PLB1: variants seen among roughly 807,000 people sequenced by gnomAD.
The protein encoded by PLB1 is phospholipase B1, membrane-associated.
Under a neutral mutation model 227.4 loss-of-function variants are expected in PLB1, and 242 were observed. The ratio of observed to expected loss-of-function variants is 1.06; its 90% CI spans 0.96 to 1.18. The LOEUF is 1.18. Among genes scored for constraint, PLB1 ranks in the 50% most tolerant of loss-of-function variants. The probability of loss-of-function intolerance (pLI) is 0.00; values close to 1 mark genes in which losing one functional copy is unlikely to be tolerated. For missense variants in PLB1, 1,858 were observed against 1,816.3 expected, an observed-to-expected ratio of 1.02 and a Z score of -0.42; for synonymous variants, 757 against 682.2, an observed-to-expected ratio of 1.11 and a Z score of -1.71.
At chr2:28,499,115 G>C (rs980761286) in intron 1 of PLB1, among the ~76,000 whole-genome samples, 1 of 151,834 alleles carries the variant, frequency 6.6e-6, no homozygotes, top group South Asian at 2.1e-4. Context: ...TGAAATGTTT[G>C]TTATTGATAT....
intron 20 of PLB1, among the ~76,000 whole-genome samples, chr2:28,569,360 T>C (rs938907428): frequency 1.1e-4 from 16 of 152,294 alleles, no homozygotes; most frequent in African/African-American, 2.6e-4. Flanking sequence ...GGGGTATATA[T>C]AGACCCTGCT....
intron 54 of PLB1, 126 bp from the exon 55 acceptor site, chr2:28,631,910 C>A: frequency 1.4e-6 from 1 of 723,006 alleles, no homozygotes; most frequent in Non-Finnish European, 2.5e-6. Flanking sequence ...ACTAGAGTAG[C>A]CCCTTAAAGT....
chr2:28,607,646 C>T (rs932902606), intron 43 of PLB1, among the ~76,000 whole-genome samples: 1 of 152,050 alleles, frequency 6.6e-6, no homozygotes, highest in Non-Finnish European at 1.5e-5. Flanking sequence ...AGGTGCTGGC[C>T]AAAGGCCTGG....
At position 28,589,612 on chromosome 2, in the gene PLB1, T is replaced by C; in HGVS notation, c.1920+58T>C. ...TCCACAGATAGTGTGTGGCTGTTTC[T>C]GAGTGTCACTTATATGATCCAGTGT... On this transcript the variant is annotated intron_variant, in intron 27 of 57. Coordinates refer to ENST00000327757, the MANE Select transcript of PLB1 (RefSeq NM_153021.5). 1.9e-6 allele frequency: 3 copies of C among 1,607,530 alleles called. No individual in the cohort carries two copies. In the South Asian group the frequency reaches 3.3e-5, roughly 18 times the overall value.
Position 28,628,599 on chromosome 2 carries a change from C to G in PLB1, c.3697C>G (p.Gln1233Glu). 1 of 1,614,168 alleles carries G rather than the reference C, an allele frequency of 6.2e-7. No individual in the cohort carries two copies. The highest frequency in any genetic ancestry group is 8.5e-7 in the Non-Finnish European group (1 of 1,180,018). The change falls in exon 52 of 58, where the codon CAA (glutamine) becomes GAA (glutamate). Residue 1233 changes from glutamine to glutamate, a missense_variant. By Grantham distance (29) the Gln-to-Glu change is conservative. Transcript: ENST00000327757. Reference protein sequence around the residue: ...HLATEYVQHIQQALDILSEEL... With the variant: ...HLATEYVQHIEQALDILSEEL... ...GGCCACGGAATATGTTCAGCACATC[C>G]AACAGGCCCTGGACATCCTCTCTGA... is the stretch of plus-strand genomic sequence containing the variant.
At chr2:28,567,228 C>T (rs868609089) in intron 20 of PLB1, among the ~76,000 whole-genome samples, 1 of 143,182 alleles carries the variant, frequency 7.0e-6, no homozygotes, top group African/African-American at 2.8e-5. Flanking sequence ...AAAAGAAACC[C>T]GGTTGTGCGG....
intron 1 of PLB1, among the ~76,000 whole-genome samples, chr2:28,503,466 A>C (rs761638993): frequency 6.6e-6 from 1 of 152,140 alleles, no homozygotes; most frequent in Non-Finnish European, 1.5e-5. Flanking sequence ...TTGATCTTCT[A>C]TGTCACCGTT....
At chr2:28,559,998 C>T (rs143874740) in intron 17 of PLB1, among the ~76,000 whole-genome samples, 7 of 152,138 alleles carry the variant, frequency 4.6e-5, no homozygotes, top group African/African-American at 1.2e-4. Context: ...GTGATCTGCC[C>T]GTGTCGGCCT....
At chr2:28,537,847 G>A (rs1671908454) in intron 9 of PLB1, among the ~76,000 whole-genome samples, 1 of 152,054 alleles carries the variant, frequency 6.6e-6, no homozygotes, top group South Asian at 2.1e-4. Flanking sequence ...GGCAAACACA[G>A]CAAGAGAAAA....
chr2:28,640,680 T>C (rs908234819), intron 56 of PLB1, among the ~76,000 whole-genome samples: 1 of 152,120 alleles, frequency 6.6e-6, no homozygotes. Flanking sequence ...ACCCGGCAAA[T>C]CCAGGGGCAC....
chr2:28,621,041 C>T (rs1350870434), intron 49 of PLB1, 63 bp downstream of exon 49: 25 of 1,411,388 alleles, frequency 1.8e-5, no homozygotes, highest in South Asian at 9.0e-5. Flanking sequence ...GGTGGGAAAC[C>T]GGAGGAGAGG....
chr2:28,630,705 GCCC>G, intron 54 of PLB1, 41 bp downstream of exon 54: 1 of 1,550,240 alleles, frequency 6.5e-7, no homozygotes, highest in East Asian at 2.3e-5. Flanking sequence ...CAGCTGGGGG[GCCC>G]CCTGTACTCC....
rs200691449 is a variant in PLB1, at chr2:28,529,789, C to T, written c.468+10C>T. On this transcript the variant is annotated intron_variant, in intron 8 of 57. Coordinates refer to ENST00000327757, the MANE Select transcript of PLB1 (RefSeq NM_153021.5). Reference sequence around the variant, plus strand: ...CATGAAAGAGAACCTGGTAAGCATCCGTCCAACTCTGGCATGGCTGGGCTG... The same window carrying T: ...CATGAAAGAGAACCTGGTAAGCATCTGTCCAACTCTGGCATGGCTGGGCTG... 1.7e-3 allele frequency: 2,812 copies of T among 1,613,816 alleles called. 61 individuals are homozygous for T. In the South Asian group the frequency reaches 0.029, roughly 17 times the overall value.
chr2:28,579,795 C>T, intron 23 of PLB1, 88 bp downstream of exon 23: 1 of 1,132,058 alleles, frequency 8.8e-7, no homozygotes, highest in East Asian at 2.4e-5. Context: ...AGGAGTACAG[C>T]TAAGTTGGGA....
At chr2:28,573,651 T>G (rs1270018092) in intron 21 of PLB1, among the ~76,000 whole-genome samples, 1 of 152,192 alleles carries the variant, frequency 6.6e-6, no homozygotes, top group East Asian at 1.9e-4. Flanking sequence ...AGTCCTGCTC[T>G]CCCTCCCTTC....
chr2:28,625,987 T>G (rs1293622954), intron 50 of PLB1, among the ~76,000 whole-genome samples: 4 of 150,846 alleles, frequency 2.7e-5, no homozygotes, highest in Non-Finnish European at 1.5e-5. Flanking sequence ...AAGCCCCACT[T>G]TGTTGCTTTT....
chr2:28,620,495 C>CG, intron 47 of PLB1, 105 bp from the exon 48 acceptor site: 1 of 1,430,124 alleles, frequency 7.0e-7, no homozygotes, highest in Non-Finnish European at 9.5e-7. Context: ...ATGGGAGAGA[C>CG]GCCCCAGGGG....
At chr2:28,540,862 A>G in intron 12 of PLB1, among the ~76,000 whole-genome samples, 1 of 152,202 alleles carries the variant, frequency 6.6e-6, no homozygotes, top group East Asian at 1.9e-4. Context: ...TGCAGTTCAC[A>G]GAAGAGACCC....
In PLB1 at chr2:28,518,451, C is replaced by G; in HGVS notation, c.118-15C>G. The G allele has an allele frequency of 6.3e-7, 1 of 1,599,278 alleles. No homozygotes were observed. On this transcript the variant is annotated splice_polypyrimidine_tract_variant and intron_variant, in intron 2 of 57. Coordinates refer to ENST00000327757, the MANE Select transcript of PLB1 (RefSeq NM_153021.5). Reference sequence around the variant, plus strand: ...CAAGGCAGTTGATGTTTCTGATGTTCGTTTTCAATTGCAGACCCTGAAGAA... The same window carrying G: ...CAAGGCAGTTGATGTTTCTGATGTTGGTTTTCAATTGCAGACCCTGAAGAA...
Sources: gnomAD v4.1 joint callset for allele counts (sites outside exome capture counted in the v4.1 genomes callset) on GRCh38, gnomAD v4.1.1 for gene constraint, MANE v1.5 for transcripts, NCBI Gene and HGNC (gene_info 2026-07-23, HGNC 2026-07-21) for gene names.